CSMD1: variants seen among roughly 807,000 people sequenced by gnomAD.
The protein encoded by CSMD1 is CUB and Sushi multiple domains 1, also known as CUB and sushi domain-containing protein 1.
Under a neutral mutation model 417.5 loss-of-function variants are expected in CSMD1, and 213 were observed. That is an observed-to-expected ratio of 0.51 (90% CI 0.46 to 0.57). CSMD1 has a LOEUF of 0.57. CSMD1 is among the 20% of genes least tolerant of loss of function. CSMD1 has a pLI of 0.00. For missense variants in CSMD1, 6,923 were observed against 4,529.7 expected (o/e 1.53, Z -15.17); for synonymous variants, 2,862 against 1,736.8 (o/e 1.65, Z -16.11).
At chr8:4,688,765 T>TAACCA (rs1185129931) in intron 1 of CSMD1, among the ~76,000 whole-genome samples, 1 of 152,170 alleles carries the variant, frequency 6.6e-6, no homozygotes, top group African/African-American at 2.4e-5. Flanking sequence ...ACTGCGGAGA[T>TAACCA]AACCCAAGAC....
chr8:3,403,414 C>A (rs958864501), intron 15 of CSMD1, among the ~76,000 whole-genome samples: 4 of 152,188 alleles, frequency 2.6e-5, no homozygotes, highest in African/African-American at 4.8e-5. Context: ...CCCCTACCTT[C>A]TCTGAGGCTC....
At chr8:3,322,330 T>G (rs913845546) in intron 23 of CSMD1, among the ~76,000 whole-genome samples, 2 of 152,216 alleles carry the variant, frequency 1.3e-5, no homozygotes, top group Admixed American at 1.3e-4. Context: ...TTTTACAGTA[T>G]TAGTTAAATG....
intron 3 of CSMD1, among the ~76,000 whole-genome samples, chr8:4,243,641 G>C (rs550101465): frequency 2.0e-5 from 3 of 152,078 alleles, no homozygotes; most frequent in African/African-American, 7.2e-5. Context: ...AATTATTACA[G>C]TTTCTTAAAA....
At chr8:3,624,345 G>A (rs1379195673) in intron 7 of CSMD1, among the ~76,000 whole-genome samples, 1 of 152,148 alleles carries the variant, frequency 6.6e-6, no homozygotes, top group Non-Finnish European at 1.5e-5. Context: ...AAGAGCCACA[G>A]ATTGGCTTGA....
intron 3 of CSMD1, among the ~76,000 whole-genome samples, chr8:4,033,950 AGCT>A (rs1308831570): frequency 2.0e-5 from 3 of 152,202 alleles, no homozygotes; most frequent in Non-Finnish European, 4.4e-5. Flanking sequence ...TCAGTAAATT[AGCT>A]GCTATTTAGT....
At chr8:3,243,014 G>C (rs1799644095) in intron 26 of CSMD1, among the ~76,000 whole-genome samples, 1 of 152,056 alleles carries the variant, frequency 6.6e-6, no homozygotes, top group Non-Finnish European at 1.5e-5. Flanking sequence ...CCGGAGTTTT[G>C]AGTCCACGGA....
chr8:3,065,713 T>C (rs1018798406), intron 49 of CSMD1, among the ~76,000 whole-genome samples: 1 of 152,098 alleles, frequency 6.6e-6, no homozygotes, highest in Non-Finnish European at 1.5e-5. Context: ...AGATGATAGA[T>C]AGGAGATAGC....
intron 5 of CSMD1, among the ~76,000 whole-genome samples, chr8:3,896,190 GC>G: frequency 6.6e-6 from 1 of 152,084 alleles, no homozygotes; most frequent in East Asian, 1.9e-4. Flanking sequence ...ATGATCTAGA[GC>G]CCTGTGACAA....
chr8:3,779,053 T>C (rs1224443135), intron 5 of CSMD1, among the ~76,000 whole-genome samples: 1 of 152,104 alleles, frequency 6.6e-6, no homozygotes, highest in African/African-American at 2.4e-5. Context: ...TCATAACAAA[T>C]TACCATTCCT....
intron 1 of CSMD1, among the ~76,000 whole-genome samples, chr8:4,945,198 A>G (rs980983250): frequency 2.6e-5 from 4 of 152,196 alleles, no homozygotes; most frequent in Non-Finnish European, 5.9e-5. Context: ...TAGAGCAGTG[A>G]AATCCTTAGA....
chr8:4,201,844 A>G (rs1042772484), intron 3 of CSMD1, among the ~76,000 whole-genome samples: 5 of 140,736 alleles, frequency 3.6e-5, no homozygotes, highest in African/African-American at 1.4e-4. Flanking sequence ...AAGGATCTTA[A>G]TTGTGTCTAA....
rs988043135 is a variant in CSMD1, at chr8:3,778,222, T to G, written c.819-24180A>C. ...CCTGGCCGTTTGTCCTTTAGAGGTCTGTGGAACTGACTATTTTCTGCTCTG... is the reference window on the plus strand; with the variant it reads ...CCTGGCCGTTTGTCCTTTAGAGGTCGGTGGAACTGACTATTTTCTGCTCTG... On this transcript the variant is annotated intron_variant, in intron 5 of 69. Coordinates refer to ENST00000635120, the MANE Select transcript of CSMD1 (RefSeq NM_033225.6). 1.3e-4 allele frequency among the ~76,000 whole-genome samples: 20 copies of G among 151,648 alleles called. No individual in the cohort carries two copies. In the Admixed American group the frequency reaches 1.4e-3, roughly 10 times the overall value.
intron 5 of CSMD1, among the ~76,000 whole-genome samples, chr8:3,992,359 C>T (rs1468394652): frequency 1.3e-5 from 2 of 151,968 alleles, no homozygotes; most frequent in African/African-American, 2.4e-5. Flanking sequence ...ATTTTGTTCC[C>T]GTTAAACCAG....
intron 5 of CSMD1, among the ~76,000 whole-genome samples, chr8:3,985,616 G>C (rs1681382284): frequency 6.6e-6 from 1 of 152,146 alleles, no homozygotes; most frequent in Non-Finnish European, 1.5e-5. Context: ...AGTACAGGAA[G>C]ATCCTTGCAC....
At chr8:4,402,800 C>CTTTTTTT (rs60965667) in intron 3 of CSMD1, among the ~76,000 whole-genome samples, 2,315 of 88,162 alleles carry the variant, frequency 0.026, 1 homozygote, top group East Asian at 0.033. Flanking sequence ...TCACTTTTTT[C>CTTTTTTT]TTTTTTTTTT....
At chr8:2,972,063 C>T (rs1804507576) in intron 57 of CSMD1, among the ~76,000 whole-genome samples, 1 of 151,748 alleles carries the variant, frequency 6.6e-6, no homozygotes, top group African/African-American at 2.4e-5. Context: ...TATAAATATG[C>T]AAATATATGC....
chr8:3,355,948 C>T (rs1808752773), intron 21 of CSMD1, among the ~76,000 whole-genome samples: 1 of 152,060 alleles, frequency 6.6e-6, no homozygotes, highest in Non-Finnish European at 1.5e-5. Context: ...CTATTTCTAT[C>T]ATCCTAAATG....
intron 5 of CSMD1, among the ~76,000 whole-genome samples, chr8:3,838,295 G>T (rs940828220): frequency 1.3e-5 from 2 of 151,918 alleles, no homozygotes; most frequent in Non-Finnish European, 2.9e-5. Flanking sequence ...CCAACACTTT[G>T]GGAGGCAAGG....
chr8:3,532,257 A>G (rs1455317241), intron 10 of CSMD1, among the ~76,000 whole-genome samples: 1 of 152,182 alleles, frequency 6.6e-6, no homozygotes, highest in Non-Finnish European at 1.5e-5. Context: ...GTCAAGCCAG[A>G]CAATGAGGCC....
Sources: allele counts gnomAD v4.1 joint callset (sites outside exome capture counted in the v4.1 genomes callset), GRCh38; gene constraint gnomAD v4.1.1; transcripts MANE v1.5; gene names NCBI Gene and HGNC (gene_info 2026-07-23, HGNC 2026-07-21).